ATRNL1: variants seen among roughly 807,000 people sequenced by gnomAD.
ATRNL1 encodes attractin-like protein 1.
In ATRNL1, 95 loss-of-function variants were observed where a neutral mutation model predicts 182.7. The ratio of observed to expected loss-of-function variants is 0.52; its 90% CI spans 0.44 to 0.62. ATRNL1 has a LOEUF of 0.62. ATRNL1 is among the 20% of genes least tolerant of loss of function. The pLI is 0.00. For missense variants in ATRNL1, 1,471 were observed against 1,679.5 expected, an observed-to-expected ratio of 0.88 and a Z score of 2.17; for synonymous variants, 576 against 568.3, an observed-to-expected ratio of 1.01 and a Z score of -0.19.
intron 26 of ATRNL1, among the ~76,000 whole-genome samples, chr10:115,683,551 T>TTTTTTG (rs1555045372): frequency 5.5e-5 from 8 of 145,314 alleles, no homozygotes; most frequent in African/African-American, 2.1e-4. Flanking sequence ...AACTAGCGTT[T>TTTTTTG]TTTTTTTTTT....
At chr10:115,723,897 A>G (rs560079216) in intron 26 of ATRNL1, among the ~76,000 whole-genome samples, 1 of 152,008 alleles carries the variant, frequency 6.6e-6, no homozygotes, top group Admixed American at 6.6e-5. Context: ...TTTATAAGAG[A>G]TTTTGAATAG....
intron 28 of ATRNL1, among the ~76,000 whole-genome samples, chr10:115,899,833 G>A (rs1432948237): frequency 6.6e-6 from 1 of 152,026 alleles, no homozygotes; most frequent in Non-Finnish European, 1.5e-5. Flanking sequence ...CATGACTGAT[G>A]GTTAAAAGAA....
At position 115,394,857 on chromosome 10, in the gene ATRNL1, C is replaced by A. The variant is rs1328508284; in HGVS notation, c.3269+105C>A. 4.8e-6 allele frequency: 4 copies of A among 830,796 alleles called. No individual in the cohort carries two copies. The East Asian group carries it at 1.1e-4, about 23-fold the overall frequency. The allele number at this position is 830,796 out of a possible 1,614,324, so 51.5% of individuals were successfully genotyped here. ...TTAGTGTTGTGCTAGTTAGGCATAC[C>A]TTTATTACAATTTTTAACTTTTATT... On this transcript the variant is annotated intron_variant, in intron 20 of 28. Transcript: ENST00000355044.
intron 27 of ATRNL1, among the ~76,000 whole-genome samples, chr10:115,774,530 AAG>A (rs1359360289): frequency 1.5e-4 from 23 of 152,050 alleles, no homozygotes; most frequent in African/African-American, 5.6e-4. Flanking sequence ...TTAAGCCTAT[AAG>A]AGTCTTGATC....
chr10:115,876,733 G>C (rs1951709207), intron 28 of ATRNL1, among the ~76,000 whole-genome samples: 1 of 152,152 alleles, frequency 6.6e-6, no homozygotes, highest in Non-Finnish European at 1.5e-5. Context: ...CGTGTACATT[G>C]AAAAATAATT....
intron 20 of ATRNL1, among the ~76,000 whole-genome samples, chr10:115,420,445 G>T (rs563384470): frequency 1.3e-5 from 2 of 151,934 alleles, no homozygotes; most frequent in Non-Finnish European, 2.9e-5. Flanking sequence ...AACTGTATAC[G>T]TACATGGAAA....
At chr10:115,249,352 C>T (rs1308831001) in intron 10 of ATRNL1, among the ~76,000 whole-genome samples, 7 of 151,876 alleles carry the variant, frequency 4.6e-5, no homozygotes, top group African/African-American at 9.7e-5. Context: ...CACACACACA[C>T]GTTTATATAT....
intron 18 of ATRNL1, among the ~76,000 whole-genome samples, chr10:115,330,672 C>CTTTTTTTTT (rs200104323): frequency 6.9e-5 from 7 of 101,400 alleles, no homozygotes; most frequent in African/African-American, 1.1e-4. Context: ...GTGTTATTTG[C>CTTTTTTTTT]TTTTTTTTTT....
intron 28 of ATRNL1, among the ~76,000 whole-genome samples, chr10:115,911,078 C>A (rs1952662446): frequency 6.6e-6 from 1 of 152,176 alleles, no homozygotes; most frequent in Middle Eastern, 3.4e-3. Flanking sequence ...GATCTTAGCT[C>A]CCTGCAACCT....
At chr10:115,333,955 A>G (rs1855359174) in intron 18 of ATRNL1, among the ~76,000 whole-genome samples, 1 of 152,182 alleles carries the variant, frequency 6.6e-6, no homozygotes, top group Non-Finnish European at 1.5e-5. Context: ...TTGTGTTTAT[A>G]TAACTTAACA....
At chr10:115,519,632 A>C (rs10885729) in intron 25 of ATRNL1, among the ~76,000 whole-genome samples, 64,663 of 151,890 alleles carry the variant, frequency 0.43, 14,240 homozygotes, top group Middle Eastern at 0.53. Context: ...CAATGCATGC[A>C]CCACATGGAT....
intron 5 of ATRNL1, among the ~76,000 whole-genome samples, chr10:115,134,251 G>A (rs532008232): frequency 7.5e-4 from 114 of 152,106 alleles, no homozygotes; most frequent in Non-Finnish European, 6.0e-4. Context: ...TCCAGGAGCT[G>A]GTTTTTTGAA....
chr10:115,796,613 A>G (rs1373317787), intron 27 of ATRNL1, among the ~76,000 whole-genome samples: 1 of 152,202 alleles, frequency 6.6e-6, no homozygotes, highest in Non-Finnish European at 1.5e-5. Context: ...AATTAACCTC[A>G]TTCAAGTGGA....
intron 27 of ATRNL1, among the ~76,000 whole-genome samples, chr10:115,801,183 G>A (rs1207327317): frequency 3.3e-5 from 5 of 152,120 alleles, no homozygotes; most frequent in African/African-American, 1.2e-4. Context: ...GTTCATTAGT[G>A]ACTCAGACCT....
At chr10:115,120,337 CAGAGCATTAGAGTATAATTA>C in intron 2 of ATRNL1, 69 bp downstream of exon 2, 1 of 826,166 alleles carries the variant, frequency 1.2e-6, no homozygotes, top group Non-Finnish European at 1.9e-6. Context: ...ATATTAATGT[CAGAGCATTAGAGTATAATTA>C]CTTTATCATT....
At chr10:115,526,279 T>C (rs1354397043) in intron 25 of ATRNL1, among the ~76,000 whole-genome samples, 1 of 152,156 alleles carries the variant, frequency 6.6e-6, no homozygotes, top group Non-Finnish European at 1.5e-5. Context: ...AATTAGATCA[T>C]CATCCTGCTG....
intron 28 of ATRNL1, among the ~76,000 whole-genome samples, chr10:115,873,620 G>A (rs1951634851): frequency 6.6e-6 from 1 of 152,134 alleles, no homozygotes; most frequent in African/African-American, 2.4e-5. Context: ...GGAGGAGTGA[G>A]GACCCTTTGG....
chr10:115,683,072 AGT>A (rs60688472), intron 26 of ATRNL1, among the ~76,000 whole-genome samples: 1,762 of 152,230 alleles, frequency 0.012, 33 homozygotes, highest in African/African-American at 0.04. Context: ...GCATTACTAA[AGT>A]GTTTGTAAAA....
intron 26 of ATRNL1, among the ~76,000 whole-genome samples, chr10:115,684,128 G>C (rs1185268492): frequency 6.6e-6 from 1 of 151,566 alleles, no homozygotes; most frequent in Non-Finnish European, 1.5e-5. Flanking sequence ...TGTAAGGAAA[G>C]TTGTTTTAGA....
Sources: gnomAD v4.1 joint callset for allele counts (sites outside exome capture counted in the v4.1 genomes callset) on GRCh38, gnomAD v4.1.1 for gene constraint, MANE v1.5 for transcripts, NCBI Gene and HGNC (gene_info 2026-07-23, HGNC 2026-07-21) for gene names.